MED15: variants seen among roughly 807,000 people sequenced by gnomAD.
MED15 encodes the protein mediator complex subunit 15.
In MED15, 41 loss-of-function variants were observed where a neutral mutation model predicts 118.7. The ratio of observed to expected loss-of-function variants is 0.35; its 90% CI spans 0.27 to 0.45. The LOEUF is 0.45. Among genes scored for constraint, MED15 ranks in the 20% least tolerant of loss-of-function variants. The probability of loss-of-function intolerance (pLI) is 1.00; values close to 1 mark genes in which losing one functional copy is unlikely to be tolerated. For synonymous variants in MED15, 436 were observed against 413.9 expected, an observed-to-expected ratio of 1.05 and a Z score of -0.65; for missense variants, 740 against 1,025.5, an observed-to-expected ratio of 0.72 and a Z score of 3.80.
At chr22:20,586,451 C>G (rs886976417) in intron 17 of MED15, 117 bp from the exon 18 acceptor site, 7 of 1,469,330 alleles carry the variant, frequency 4.8e-6, no homozygotes, top group African/African-American at 1.4e-5. Flanking sequence ...CAGGACACAT[C>G]ACCTCCTGGT....
chr22:20,584,395 C>T lies in MED15; in HGVS notation c.1773C>T (p.Ala591=), dbSNP rs569704770. 1.9e-6 allele frequency: 3 copies of T among 1,613,768 alleles called. No individual in the cohort carries two copies. The highest frequency in any genetic ancestry group is 2.2e-5 in the South Asian group (2 of 91,080). Reference sequence around the variant, plus strand: ...AGACCTTGCAAAAGTGTGAGATCGCCCTGGAGAAACTCAAGAATGACATGG... The same window carrying T: ...AGACCTTGCAAAAGTGTGAGATCGCTCTGGAGAAACTCAAGAATGACATGG... ...PLKTLQKCEI[A]LEKLKNDMAV... Residue 591 remains alanine, a synonymous_variant, in exon 14 of 18, where the codon GCC becomes GCT. Coordinates refer to ENST00000263205, the MANE Select transcript of MED15 (RefSeq NM_001003891.3).
chr22:20,583,156 T>G lies in MED15; in HGVS notation c.1581T>G (p.Ala527=). The part of the protein sequence containing the change: ...SVMSPAGSSQ[A]EEQQYLDKLK... The stretch of plus-strand genomic sequence containing the variant: ...TGAGCCCAGCTGGCTCCAGCCAGGC[T>G]GAGGAGCAGCAGTACCTGGACAAGC... Residue 527 remains alanine, a synonymous_variant, in exon 12 of 18, where the codon GCT becomes GCG. Coordinates refer to ENST00000263205, the MANE Select transcript of MED15 (RefSeq NM_001003891.3). The G allele has an allele frequency of 6.2e-7, 1 of 1,608,848 alleles. No homozygotes were observed. Among genetic ancestry groups the G allele is most frequent in the Non-Finnish European group, 8.5e-7 (1 of 1,177,872 alleles).
At chr22:20,560,634 G>A (rs189649290) in intron 5 of MED15, among the ~76,000 whole-genome samples, 12 of 152,240 alleles carry the variant, frequency 7.9e-5, no homozygotes, top group East Asian at 5.8e-4. Context: ...GGGCTCAGGC[G>A]ATCTGCTCTG....
rs959345086 is a variant in MED15, at chr22:20,551,801, G to A, written c.208+314G>A. The A allele has an allele frequency of 1.3e-5, 5 of 392,946 alleles. No homozygotes were observed. In the South Asian group the frequency reaches 1.4e-4, roughly 11 times the overall value. 24.3% of individuals were successfully genotyped at this position (392,946 alleles called of 1,614,324 possible). A position where few individuals can be genotyped will look rare whatever the true frequency, so the allele number is the denominator to read the frequency against. On this transcript the variant is annotated intron_variant, in intron 3 of 17. Coordinates refer to ENST00000263205, the MANE Select transcript of MED15 (RefSeq NM_001003891.3). ...GGGCTGTTGTTTTTACTTCTGGGAA[G>A]TTCTGTTTACCCTGGAACAGAAACT...
chr22:20,537,210 G>T lies in MED15; in HGVS notation c.156+6G>T, dbSNP rs769218488. 3.7e-6 allele frequency: 6 copies of T among 1,601,988 alleles called. No homozygotes were observed. Among genetic ancestry groups the T allele is most frequent in the Non-Finnish European group, 1.7e-6 (2 of 1,172,798 alleles). ...TCCTGAAGGCCAAGACCCGGGTAAGGCCCTAGTAAGTGGAGCCACTCTGGC... is the reference window on the plus strand; with the variant it reads ...TCCTGAAGGCCAAGACCCGGGTAAGTCCCTAGTAAGTGGAGCCACTCTGGC... On this transcript the variant is annotated splice_donor_region_variant and intron_variant, in intron 2 of 17. Transcript: ENST00000263205.
rs556692694 is a variant in MED15 at position 20,513,923 on chromosome 22, G to C, written c.68+6177G>C. Among the ~76,000 whole-genome samples the C allele has an allele frequency of 2.0e-5, 3 of 152,274 alleles. No individual in the cohort carries two copies. The East Asian group carries it at 5.8e-4, about 29-fold the overall frequency. ...CTCTCCTCCAGGTTGGAGTGCAGTG[G>C]CATGATCTTGGCCCACTGCAACCTC... On this transcript the variant is annotated intron_variant, in intron 1 of 17. Coordinates refer to ENST00000263205, the MANE Select transcript of MED15 (RefSeq NM_001003891.3).
At chr22:20,534,222 C>G (rs1198267580) in intron 1 of MED15, among the ~76,000 whole-genome samples, 1 of 151,976 alleles carries the variant, frequency 6.6e-6, no homozygotes, top group Admixed American at 6.6e-5. Flanking sequence ...GCAAATGCTC[C>G]CCTGCTGTTT....
intron 3 of MED15, chr22:20,552,641 C>T (rs1232117221): frequency 8.6e-6 from 3 of 349,926 alleles, no homozygotes; most frequent in Admixed American, 8.4e-5. Context: ...CAGAAGTTCT[C>T]CGCTGGGCAC....
At chr22:20,558,103 T>C (rs968841817) in intron 5 of MED15, among the ~76,000 whole-genome samples, 1 of 151,700 alleles carries the variant, frequency 6.6e-6, no homozygotes, top group African/African-American at 2.4e-5. Flanking sequence ...AGACTCTGTC[T>C]CAAAAGAAAA....
chr22:20,519,486 A>T (rs1442998376), intron 1 of MED15, among the ~76,000 whole-genome samples: 4 of 146,574 alleles, frequency 2.7e-5, no homozygotes, highest in Admixed American at 6.9e-5. Context: ...CCCAGGCTGG[A>T]GTGCAGTGGC....
At chr22:20,569,615 T>C (rs1019093898) in intron 8 of MED15, among the ~76,000 whole-genome samples, 2 of 151,494 alleles carry the variant, frequency 1.3e-5, no homozygotes, top group Non-Finnish European at 3.0e-5. Context: ...CTACCTCTTT[T>C]AAGTCCCTGG....
chr22:20,551,085 A>G, intron 2 of MED15: 1 of 521,640 alleles, frequency 1.9e-6, no homozygotes, highest in Non-Finnish European at 3.8e-6. Context: ...TTGTGCCCTC[A>G]GGCCAGCGCC....
intron 1 of MED15, among the ~76,000 whole-genome samples, chr22:20,509,891 C>G (rs2054003885): frequency 6.6e-6 from 1 of 151,958 alleles, no homozygotes. Context: ...GAGTTGTCAT[C>G]AAAGAAAATG....
chr22:20,570,746 C>CTTTCTTTCTTTCTTTTTTTTTTTTTTTT (rs1569236484), intron 8 of MED15, among the ~76,000 whole-genome samples: 1 of 62,068 alleles, frequency 1.6e-5, no homozygotes, highest in Non-Finnish European at 2.7e-5. Context: ...TTCTTTCTTT[C>CTTTCTTTCTTTCTTTTTTTTTTTTTTTT]TTTTTTTTTT....
In MED15 at chr22:20,576,329, G is replaced by A. The variant is rs9624188; in HGVS notation, c.1272+1097G>A. Among the ~76,000 whole-genome samples, 1,018 of 152,368 alleles carry A rather than the reference G, an allele frequency of 6.7e-3. 12 individuals are homozygous for A. The highest frequency in any genetic ancestry group is 0.023 in the African/African-American group (943 of 41,590). Reference sequence around the variant, plus strand: ...CCTGTCCATCCCTGAACGCCCAGGTGCAGGCACTGCCACCACCCTGGCTTG... The same window carrying A: ...CCTGTCCATCCCTGAACGCCCAGGTACAGGCACTGCCACCACCCTGGCTTG... On this transcript the variant is annotated intron_variant, in intron 9 of 17. Transcript: ENST00000263205.
chr22:20,570,896 C>G (rs1250412341), intron 8 of MED15, among the ~76,000 whole-genome samples: 5 of 151,712 alleles, frequency 3.3e-5, no homozygotes, highest in Admixed American at 6.6e-5. Context: ...TCCCAAGTAG[C>G]TGGGACTACA....
At chr22:20,522,113 T>C (rs1040434582) in intron 1 of MED15, 2 of 152,234 alleles carry the variant, frequency 1.3e-5, no homozygotes, top group Admixed American at 6.5e-5. Flanking sequence ...ACTTTGGTGT[T>C]AGTTCCAGAT....
intron 1 of MED15, among the ~76,000 whole-genome samples, chr22:20,515,280 A>G (rs73384298): frequency 0.094 from 14,284 of 152,222 alleles, 1,473 homozygotes; most frequent in African/African-American, 0.26. Context: ...GTAGATGTAC[A>G]TGTTACTCAC....
intron 9 of MED15, among the ~76,000 whole-genome samples, chr22:20,579,885 A>G (rs1422642300): frequency 6.6e-6 from 1 of 152,018 alleles, no homozygotes; most frequent in East Asian, 1.9e-4. Flanking sequence ...GATGTGTGAC[A>G]TTCTTGTCCT....
Sources: gnomAD v4.1 joint callset for allele counts (sites outside exome capture counted in the v4.1 genomes callset) on GRCh38, gnomAD v4.1.1 for gene constraint, MANE v1.5 for transcripts, NCBI Gene and HGNC (gene_info 2026-07-23, HGNC 2026-07-21) for gene names.